The following DIS3 variants were observed in gnomAD, a reference collection of about 807,000 sequenced individuals.
DIS3 encodes the protein DIS3 exosome endoribonuclease and 3'-5' exoribonuclease.
DIS3 carries 103 observed loss-of-function variants against 113.0 expected under a neutral mutation model. The observed-to-expected ratio is 0.91, with a 90% CI of 0.78 to 1.07. The LOEUF (loss-of-function observed/expected upper bound fraction) is 1.07, where lower values mean the gene tolerates loss of function less well. Ranked by LOEUF, DIS3 falls within the 50% of genes least tolerant of loss-of-function variation. DIS3 has a pLI of 0.00. For missense variants in DIS3, 1,121 were observed against 1,167.1 expected, an observed-to-expected ratio of 0.96 and a Z score of 0.58; for synonymous variants, 402 against 394.3, an observed-to-expected ratio of 1.02 and a Z score of -0.23.
Position 72,755,827 on chromosome 13 carries a change from TCA to T in DIS3, c.*3966_*3967del. ...TAGAAAGGTAGTACTAGTGACATCA[TCA>T]CGTGTATTGTTATCTATGGGGCAAA... On this transcript the variant is annotated 3_prime_UTR_variant, in exon 21 of 21. Transcript: ENST00000377767. The T allele has an allele frequency of 2.5e-6, 1 of 398,614 alleles. No homozygotes were observed. Among genetic ancestry groups the T allele is most frequent in the Non-Finnish European group, 4.4e-6 (1 of 226,064 alleles). The allele number at this position is 398,614 out of a possible 1,614,324, so 24.7% of individuals were successfully genotyped here.
At chr13:72,762,528 C>CA (rs1184596211) in intron 16 of DIS3, among the ~76,000 whole-genome samples, 1 of 152,124 alleles carries the variant, frequency 6.6e-6, no homozygotes, top group Non-Finnish European at 1.5e-5. Context: ...AGGTCTGATC[C>CA]AAAATCAGAA....
Position 72,758,806 on chromosome 13 carries a change from C to A in DIS3, c.*989G>T, listed in dbSNP as rs372163682. 4 of 196,852 alleles carry A rather than the reference C, an allele frequency of 2.0e-5. No individual in the cohort carries two copies. The highest frequency in any genetic ancestry group is 9.2e-5 in the African/African-American group (4 of 43,286). The allele number at this position is 196,852 out of a possible 1,614,324, so 12.2% of individuals were successfully genotyped here. On this transcript the variant is annotated 3_prime_UTR_variant, in exon 21 of 21. Coordinates refer to ENST00000377767, the MANE Select transcript of DIS3 (RefSeq NM_014953.5). ...GCAGAGATAATTTACTTGAGTGGAA[C>A]CTGGCACAACGTAAGTGCTTTAGAA...
chr13:72,773,587 T>G (rs556062506), intron 8 of DIS3, 97 bp downstream of exon 8: 1 of 1,336,084 alleles, frequency 7.5e-7, no homozygotes, highest in Admixed American at 2.5e-5. Context: ...TCAGTACAAA[T>G]TCTACATAAA....
intron 1 of DIS3, chr13:72,781,364 A>T (rs1048638758): frequency 2.7e-5 from 42 of 1,550,788 alleles, no homozygotes; most frequent in Middle Eastern, 1.7e-4. Context: ...AATCTAAGGC[A>T]GAAGAGACAC....
At chr13:72,775,418 T>G (rs2033990478) in intron 5 of DIS3, 43 bp from the exon 6 acceptor site, 1 of 1,546,046 alleles carries the variant, frequency 6.5e-7, no homozygotes, top group Non-Finnish European at 8.7e-7. Flanking sequence ...TTATTTTTAA[T>G]GGCAATATAA....
At chr13:72,765,055 T>G (rs952363320) in intron 15 of DIS3, among the ~76,000 whole-genome samples, 1 of 152,132 alleles carries the variant, frequency 6.6e-6, no homozygotes, top group Admixed American at 6.5e-5. Flanking sequence ...ATTAGAAAAG[T>G]GCATATGCAT....
At position 72,757,691 on chromosome 13, in the gene DIS3, T is replaced by C. The variant is rs935848890; in HGVS notation, c.*2104A>G. The C allele has an allele frequency of 1.1e-5, 2 of 180,644 alleles. No individual in the cohort carries two copies. The highest frequency in any genetic ancestry group is 4.7e-5 in the African/African-American group (2 of 42,432). 11.2% of individuals were successfully genotyped at this position (180,644 alleles called of 1,614,324 possible). On this transcript the variant is annotated 3_prime_UTR_variant, in exon 21 of 21. Transcript: ENST00000377767. ...ATCCACCCGCCTCGTCCTCCCAAAATGCTAGGATTACAGGCATGAGCCACC... is the reference window on the plus strand; with the variant it reads ...ATCCACCCGCCTCGTCCTCCCAAAACGCTAGGATTACAGGCATGAGCCACC...
chr13:72,778,398 A>G lies in DIS3; in HGVS notation c.387-18T>C. ...AGGTTTCTCTAAATGGAAAGAAAAA[A>G]CGAAATAAAAGGAAATCAGTAGAAA... is the stretch of plus-strand genomic sequence containing the variant. On this transcript the variant is annotated intron_variant, in intron 2 of 20. Transcript: ENST00000377767. 2.0e-6 allele frequency: 3 copies of G among 1,532,586 alleles called. No homozygotes were observed. Among genetic ancestry groups the G allele is most frequent in the Non-Finnish European group, 2.7e-6 (3 of 1,126,838 alleles). The allele number at this position is 1,532,586 out of a possible 1,614,324, so 94.9% of individuals were successfully genotyped here.
At position 72,771,113 on chromosome 13, in the gene DIS3, A is replaced by G; in HGVS notation, c.1638T>C (p.Ser546=). 1.2e-6 allele frequency: 2 copies of G among 1,613,782 alleles called. No homozygotes were observed. Among genetic ancestry groups the G allele is most frequent in the Non-Finnish European group, 1.7e-6 (2 of 1,179,802 alleles). ...RIDMVPELLS[S]NLCSLKCDVD... is the part of the protein sequence containing the mutation. ...CGTCACATTTTAAGGAACACAAGTT[A>G]GAGCTAAGCAACTCTGGAACCATGT... The change falls in exon 12 of 21, where the codon TCT becomes TCC. Residue 546 remains serine, a synonymous_variant. Coordinates refer to ENST00000377767, the MANE Select transcript of DIS3 (RefSeq NM_014953.5).
chr13:72,761,076 T>C (rs2033611476), intron 19 of DIS3, among the ~76,000 whole-genome samples: 1 of 151,934 alleles, frequency 6.6e-6, no homozygotes, highest in Non-Finnish European at 1.5e-5. Flanking sequence ...TTCCCCGAGT[T>C]ATAAAGAGTC....
chr13:72,758,447 T>TA lies in DIS3; in HGVS notation c.*1347dup, dbSNP rs1343388287. The TA allele has an allele frequency of 5.0e-6, 1 of 200,704 alleles. No homozygotes were observed. The highest frequency in any genetic ancestry group is 1.9e-4 in the South Asian group (1 of 5,244). The allele number at this position is 200,704 out of a possible 1,614,324, so 12.4% of individuals were successfully genotyped here. The stretch of plus-strand genomic sequence containing the variant: ...TGTTTACATATTGTATATGGCTCCT[T>TA]ACACACTATCAACGGCAGAGTTGTG... On this transcript the variant is annotated 3_prime_UTR_variant, in exon 21 of 21. Transcript: ENST00000377767.
At chr13:72,779,123 C>CTTT (rs563966682) in intron 2 of DIS3, among the ~76,000 whole-genome samples, 2 of 140,228 alleles carry the variant, frequency 1.4e-5, no homozygotes, top group Non-Finnish European at 3.1e-5. Context: ...CTTGCTAATG[C>CTTT]TTTTTTTTTT....
chr13:72,753,855 TTTAGA>T lies in DIS3; in HGVS notation c.*5935_*5939del, dbSNP rs753301421. The T allele has an allele frequency of 1.5e-5, 24 of 1,558,688 alleles. No individual in the cohort carries two copies. Among genetic ancestry groups the T allele is most frequent in the Non-Finnish European group, 1.9e-5 (22 of 1,137,238 alleles). ...AAAATATAGTGAAAGCTTAATATTG[TTTAGA>T]TTAGAAATATAAAATAATTTTGATT... is the stretch of plus-strand genomic sequence containing the variant. On this transcript the variant is annotated 3_prime_UTR_variant, in exon 21 of 21. Coordinates refer to ENST00000377767, the MANE Select transcript of DIS3 (RefSeq NM_014953.5).
At position 72,755,006 on chromosome 13, in the gene DIS3, T is replaced by C. The variant is rs2033409911; in HGVS notation, c.*4789A>G. On this transcript the variant is annotated 3_prime_UTR_variant, in exon 21 of 21. Transcript: ENST00000377767. ...TGGGATGCTTTTTGATGCAGAATAT[T>C]GATTTATAAAATACTGTATCTTTAC... is the stretch of plus-strand genomic sequence containing the variant. 1 of 618,178 alleles carries C rather than the reference T, an allele frequency of 1.6e-6. No individual in the cohort carries two copies. The highest frequency in any genetic ancestry group is 1.9e-5 in the African/African-American group (1 of 53,772). The allele number at this position is 618,178 out of a possible 1,614,324, so 38.3% of individuals were successfully genotyped here. A position where few individuals can be genotyped will look rare whatever the true frequency, so the allele number is the denominator to read the frequency against.
In DIS3 at chr13:72,756,049, A is replaced by AT. The variant is rs1026055314; in HGVS notation, c.*3745dup. ...GCAGATATGTATGTTATATACAACT[A>AT]TTTTTTTAAAAAACTTATATCCATG... On this transcript the variant is annotated 3_prime_UTR_variant, in exon 21 of 21. Coordinates refer to ENST00000377767, the MANE Select transcript of DIS3 (RefSeq NM_014953.5). 3 of 398,126 alleles carry AT rather than the reference A, an allele frequency of 7.5e-6. No homozygotes were observed. The highest frequency in any genetic ancestry group is 4.1e-5 in the African/African-American group (2 of 48,560). The allele number at this position is 398,126 out of a possible 1,614,324, so 24.7% of individuals were successfully genotyped here. A position where few individuals can be genotyped will look rare whatever the true frequency, so the allele number is the denominator to read the frequency against.
chr13:72,765,352 G>T (rs80122486), intron 15 of DIS3, among the ~76,000 whole-genome samples: 1 of 152,110 alleles, frequency 6.6e-6, no homozygotes, highest in Non-Finnish European at 1.5e-5. Context: ...CATAACCCAT[G>T]ATCTTCACCA....
chr13:72,777,739 T>TA (rs2034052363), intron 3 of DIS3, among the ~76,000 whole-genome samples: 1 of 150,336 alleles, frequency 6.7e-6, no homozygotes, highest in Admixed American at 6.6e-5. Flanking sequence ...AGTTACATAC[T>TA]ACCATGCACG....
intron 5 of DIS3, 85 bp from the exon 6 acceptor site, chr13:72,775,460 T>C (rs2033991492): frequency 1.4e-5 from 19 of 1,379,674 alleles, no homozygotes; most frequent in African/African-American, 2.9e-5. Context: ...GATATTTACA[T>C]ACACTCTGAA....
intron 16 of DIS3, among the ~76,000 whole-genome samples, chr13:72,763,106 T>C (rs973263286): frequency 1.3e-5 from 2 of 152,034 alleles, no homozygotes; most frequent in African/African-American, 4.8e-5. Flanking sequence ...GAGACCAGCC[T>C]GGGCAACATA....
Sources: allele counts gnomAD v4.1 joint callset (sites outside exome capture counted in the v4.1 genomes callset), GRCh38; gene constraint gnomAD v4.1.1; transcripts MANE v1.5; gene names NCBI Gene and HGNC (gene_info 2026-07-23, HGNC 2026-07-21).